Variants in ADAMTSL4 observed in about 807,000 individuals in gnomAD.
ADAMTSL4 encodes the protein ADAMTS-like protein 4.
A neutral mutation model predicts 122.8 loss-of-function variants in ADAMTSL4; 97 were observed. The ratio of observed to expected loss-of-function variants is 0.79; its 90% CI spans 0.67 to 0.93. The LOEUF is 0.93. Ranked by LOEUF, ADAMTSL4 falls within the 40% of genes least tolerant of loss-of-function variation. ADAMTSL4 has a pLI of 0.00. For missense variants in ADAMTSL4, 1,408 were observed against 1,453.5 expected, an observed-to-expected ratio of 0.97 and a Z score of 0.51; for synonymous variants, 592 against 568.0, an observed-to-expected ratio of 1.04 and a Z score of -0.60.
Position 150,557,532 on chromosome 1 carries a change from T to G in ADAMTSL4, c.2086T>G (p.Ser696Ala). 6.2e-7 allele frequency: 1 copy of G among 1,612,138 alleles called. No homozygotes were observed. The highest frequency in any genetic ancestry group is 1.1e-5 in the South Asian group (1 of 90,936). Residue 696 changes from serine (S) to alanine (A), a missense_variant, in exon 13 of 19, where the codon TCG becomes GCG. By Grantham distance (99) the Ser-to-Ala change is moderately conservative. Transcript: ENST00000271643. ...CATTTTCCTCTGCATCTCCCGTGAG[T>G]CGGGAGAGGAACTGGATGAACGCAG... ...RPIFLCISRE[S>A]GEELDERSCA...
At chr1:150,558,709 A>T (rs1337885332) in intron 15 of ADAMTSL4, 60 bp downstream of exon 15, 1 of 1,612,902 alleles carries the variant, frequency 6.2e-7, no homozygotes, top group Non-Finnish European at 8.5e-7. Flanking sequence ...AGGACACCTC[A>T]GCCTTTCCAG....
At chr1:150,550,227 T>A in intron 2 of ADAMTSL4, 1 of 456,682 alleles carries the variant, frequency 2.2e-6, no homozygotes, top group Non-Finnish European at 4.4e-6. Flanking sequence ...TGACCTCTCC[T>A]TTCCTCGTCC....
rs753550085 is a variant in ADAMTSL4 at position 150,553,817 on chromosome 1, C to A, written c.826C>A (p.Arg276Ser). The change falls in exon 6 of 19, where the codon CGT (arginine) becomes AGT (serine). Residue 276 changes from arginine to serine, a missense_variant. Coordinates refer to ENST00000271643, the MANE Select transcript of ADAMTSL4 (RefSeq NM_019032.6). ...CTCCTTAGGAGAAGGTGGCTTCTTC[C>A]GTGCATCCCCTCAGCCACGAAGGCC... ...THSLGEGGFF[R>S]ASPQPRRPSS... The A allele has an allele frequency of 6.2e-7, 1 of 1,613,804 alleles. No individual in the cohort carries two copies. Among genetic ancestry groups the A allele is most frequent in the South Asian group, 1.1e-5 (1 of 91,088 alleles).
rs1432352883 is a variant in ADAMTSL4, at chr1:150,557,331, G to A, written c.2043G>A (p.Gly681=). The A allele has an allele frequency of 3.7e-6, 6 of 1,610,182 alleles. No homozygotes were observed. The highest frequency in any genetic ancestry group is 5.1e-6 in the Non-Finnish European group (6 of 1,178,656). ...VGHSACSASC[G]KGVWRPIFLC... ...ACTCTGCATGCTCAGCGTCCTGCGG[G>A]AAAGGTGAGACATCACAGTGCGTTC... Residue 681 remains glycine (G), a synonymous_variant, in exon 12 of 19, where the codon GGG becomes GGA. Transcript: ENST00000271643.
chr1:150,559,533 G>A lies in ADAMTSL4; in HGVS notation c.2943+67G>A, dbSNP rs976841179. ...CCCCTAGGGGAGGGGAGCTCCTCTC[G>A]CTGTACCCCCTCCAGGTCTCTCTGT... On this transcript the variant is annotated intron_variant, in intron 17 of 18. Transcript: ENST00000271643. This position sits in a 1 kb window ranked among gnomAD's most constrained non-coding sequence, Gnocchi z 4.1. The A allele has an allele frequency of 1.0e-4, 167 of 1,599,384 alleles. No individual in the cohort carries two copies. Among genetic ancestry groups the A allele is most frequent in the Admixed American group, 3.7e-4 (22 of 59,636 alleles).
At chr1:150,551,210 C>T (rs1414421449) in intron 2 of ADAMTSL4, 23 of 352,382 alleles carry the variant, frequency 6.5e-5, no homozygotes, top group Non-Finnish European at 1.2e-4. Flanking sequence ...CCGGCTGCAC[C>T]TCTCCTTCCC....
At chr1:150,558,912 G>A (rs370032899) in intron 15 of ADAMTSL4, 50 bp from the exon 16 acceptor site, 19 of 1,559,630 alleles carry the variant, frequency 1.2e-5, no homozygotes, top group South Asian at 2.3e-5. Flanking sequence ...ACTGTCCCTT[G>A]TGCCAGTCAC....
Position 150,554,461 on chromosome 1 carries a change from A to G in ADAMTSL4, c.1228A>G (p.Thr410Ala), listed in dbSNP as rs781299982. 2.5e-6 allele frequency: 4 copies of G among 1,614,036 alleles called. No individual in the cohort carries two copies. Among genetic ancestry groups the G allele is most frequent in the Non-Finnish European group, 3.4e-6 (4 of 1,179,990 alleles). Residue 410 changes from threonine to alanine, a missense_variant, in exon 7 of 19, where the codon ACT (threonine) becomes GCT (alanine). Physicochemically the swap from Thr to Ala is moderately conservative, Grantham distance 58. Coordinates refer to ENST00000271643, the MANE Select transcript of ADAMTSL4 (RefSeq NM_019032.6). This position sits in a 1 kb window ranked among gnomAD's most constrained non-coding sequence, Gnocchi z 4.0. ...CCAGCTGTATCAGTGGGAGCCCTTCACTGAAGGTGAGGTTTCTTGCTCACC... is the reference window on the plus strand; with the variant it reads ...CCAGCTGTATCAGTGGGAGCCCTTCGCTGAAGGTGAGGTTTCTTGCTCACC... ...MGQLYQWEPF[T>A]EVQGSQRCEL...
In ADAMTSL4 at chr1:150,552,952, G is replaced by A; in HGVS notation, c.133G>A (p.Gly45Ser). Reference sequence around the variant, plus strand: ...TACAGAGGAGGGCCAGGGCCCCGAAGGTGTCTGGGGACCTTGGGTCCAGTG... The same window carrying A: ...TACAGAGGAGGGCCAGGGCCCCGAAAGTGTCTGGGGACCTTGGGTCCAGTG... ...TPTEEGQGPEGVWGPWVQWAS... is the reference protein window; with the variant it reads ...TPTEEGQGPESVWGPWVQWAS... The change falls in exon 5 of 19, where the codon GGT becomes AGT. Residue 45 changes from glycine to serine, a missense_variant. Gly to Ser is a moderately conservative substitution (Grantham distance 56, BLOSUM62 0). Coordinates refer to ENST00000271643, the MANE Select transcript of ADAMTSL4 (RefSeq NM_019032.6). The surrounding 1 kb of genome is among the most constrained non-coding windows in gnomAD (Gnocchi z 4.0). 6.2e-7 allele frequency: 1 copy of A among 1,613,130 alleles called. No homozygotes were observed. The highest frequency in any genetic ancestry group is 8.5e-7 in the Non-Finnish European group (1 of 1,179,986).
At position 150,557,502 on chromosome 1, in the gene ADAMTSL4, C is replaced by T. The variant is rs774388538; in HGVS notation, c.2056C>T (p.Arg686Cys). Residue 686 changes from arginine (R) to cysteine (C), a missense_variant, in exon 13 of 19, where the codon CGC becomes TGC. Arg to Cys is a radical substitution (Grantham distance 180, BLOSUM62 -3). Transcript: ENST00000271643. The part of the protein sequence containing the change: ...CSASCGKGVW[R>C]PIFLCISRES... ...CCTTCTCACCCACTCAGGTGTCTGGCGCCCCATTTTCCTCTGCATCTCCCG... is the reference window on the plus strand; with the variant it reads ...CCTTCTCACCCACTCAGGTGTCTGGTGCCCCATTTTCCTCTGCATCTCCCG... 42 of 1,612,992 alleles carry T rather than the reference C, an allele frequency of 2.6e-5. No individual in the cohort carries two copies. In the East Asian group the frequency reaches 2.7e-4, roughly 10 times the overall value.
chr1:150,556,597 C>T lies in ADAMTSL4; in HGVS notation c.1577-24C>T, dbSNP rs199694520. On this transcript the variant is annotated intron_variant, in intron 9 of 18. Coordinates refer to ENST00000271643, the MANE Select transcript of ADAMTSL4 (RefSeq NM_019032.6). This position sits in a 1 kb window ranked among gnomAD's most constrained non-coding sequence, Gnocchi z 4.1. ...AAGGTATTATCACCCTGGAATTTCC[C>T]GATCTCTCACCTCTGACCCGCAGCA... 34 of 1,613,728 alleles carry T rather than the reference C, an allele frequency of 2.1e-5. No homozygotes were observed. Among genetic ancestry groups the T allele is most frequent in the African/African-American group, 9.3e-5 (7 of 74,914 alleles).
Position 150,556,069 on chromosome 1 carries a change from C to A in ADAMTSL4, c.1372-93C>A. 1 of 1,381,866 alleles carries A rather than the reference C, an allele frequency of 7.2e-7. No homozygotes were observed. The highest frequency in any genetic ancestry group is 1.0e-6 in the Non-Finnish European group (1 of 984,102). 85.6% of individuals were successfully genotyped at this position (1,381,866 alleles called of 1,614,324 possible). A position where few individuals can be genotyped will look rare whatever the true frequency, so the allele number is the denominator to read the frequency against. ...GTGCTCTCACTTGTGGCACAAAAAG[C>A]AGGGTAGTGAGCTGAGGCTCCCGAG... On this transcript the variant is annotated intron_variant, in intron 8 of 18. Transcript: ENST00000271643. This position sits in a 1 kb window ranked among gnomAD's most constrained non-coding sequence, Gnocchi z 4.1.
At chr1:150,555,855 A>G (rs2101617910) in intron 8 of ADAMTSL4, 1 of 604,028 alleles carries the variant, frequency 1.7e-6, no homozygotes. Context: ...ATGTAGACAC[A>G]CATGCATGAA....
Position 150,552,142 on chromosome 1 carries a change from G to C in ADAMTSL4, c.-84-63G>C. On this transcript the variant is annotated intron_variant, in intron 2 of 18. Coordinates refer to ENST00000271643, the MANE Select transcript of ADAMTSL4 (RefSeq NM_019032.6). The surrounding 1 kb of genome is among the most constrained non-coding windows in gnomAD (Gnocchi z 4.0). ...CCCCCTCCTCCATATTCTCTGAGCTGTCCTCCCAGCCCCAAGCTCTCTGGA... is the reference window on the plus strand; with the variant it reads ...CCCCCTCCTCCATATTCTCTGAGCTCTCCTCCCAGCCCCAAGCTCTCTGGA... The C allele has an allele frequency of 1.2e-6, 1 of 802,946 alleles. No individual in the cohort carries two copies. The highest frequency in any genetic ancestry group is 2.0e-6 in the Non-Finnish European group (1 of 501,644). 49.7% of individuals were successfully genotyped at this position (802,946 alleles called of 1,614,324 possible). A position where few individuals can be genotyped will look rare whatever the true frequency, so the allele number is the denominator to read the frequency against.
At position 150,552,729 on chromosome 1, in the gene ADAMTSL4, C is replaced by A; in HGVS notation, c.78+129C>A. 1.5e-6 allele frequency: 2 copies of A among 1,346,746 alleles called. No homozygotes were observed. The highest frequency in any genetic ancestry group is 2.1e-6 in the Non-Finnish European group (2 of 962,754). 83.4% of individuals were successfully genotyped at this position (1,346,746 alleles called of 1,614,324 possible). A position where few individuals can be genotyped will look rare whatever the true frequency, so the allele number is the denominator to read the frequency against. On this transcript the variant is annotated intron_variant, in intron 4 of 18. Transcript: ENST00000271643. The surrounding 1 kb of genome is among the most constrained non-coding windows in gnomAD (Gnocchi z 4.0). Reference sequence around the variant, plus strand: ...CCACCCACCTCCCCTGCCAACTCCCCAGTTCCTTGCCTCATAACACCAAGA... The same window carrying A: ...CCACCCACCTCCCCTGCCAACTCCCAAGTTCCTTGCCTCATAACACCAAGA...
rs900509748 is a variant in ADAMTSL4 at position 150,556,334 on chromosome 1, T to C, written c.1544T>C (p.Ile515Thr). 1.9e-6 allele frequency: 3 copies of C among 1,613,940 alleles called. No homozygotes were observed. Among genetic ancestry groups the C allele is most frequent in the African/African-American group, 1.3e-5 (1 of 74,914 alleles). ...WIPAGALRLQ[I>T]AQLRPSSNYL... ...CCAGCGGGAGCCTTGCGGCTCCAGA[T>C]TGCCCAGCTCCGGCCTAGCTCCAAC... is the stretch of plus-strand genomic sequence containing the variant. Residue 515 changes from isoleucine (I) to threonine (T), a missense_variant, in exon 9 of 19, where the codon ATT becomes ACT. Transcript: ENST00000271643. This position sits in a 1 kb window ranked among gnomAD's most constrained non-coding sequence, Gnocchi z 4.1.
Position 150,558,564 on chromosome 1 carries a change from C to T in ADAMTSL4, c.2474C>T (p.Ser825Leu). 1.2e-6 allele frequency: 2 copies of T among 1,613,878 alleles called. No individual in the cohort carries two copies. The highest frequency in any genetic ancestry group is 1.7e-6 in the Non-Finnish European group (2 of 1,179,934). ...GDEVSEQECA[S>L]GPPQPPSREA... ...GAAGTGAGCGAGCAGGAGTGTGCGT[C>T]AGGCCCCCCGCAGCCCCCCAGCAGA... The change falls in exon 15 of 19, where the codon TCA becomes TTA. Residue 825 changes from serine (S) to leucine (L), a missense_variant. Transcript: ENST00000271643.
In ADAMTSL4 at chr1:150,552,297, C is replaced by G. The variant is rs1671492268; in HGVS notation, c.9C>G (p.Asn3Lys). Residue 3 changes from asparagine (N) to lysine (K), a missense_variant, in exon 3 of 19, where the codon AAC becomes AAG. Asn to Lys is a moderately conservative substitution (Grantham distance 94). Transcript: ENST00000271643. This position sits in a 1 kb window ranked among gnomAD's most constrained non-coding sequence, Gnocchi z 4.0. Reference sequence around the variant, plus strand: ...GCAGTAGAGGGGGAGCGATGGAGAACTGGACTGGCAGGTGAGAGAAGGGGC... The same window carrying G: ...GCAGTAGAGGGGGAGCGATGGAGAAGTGGACTGGCAGGTGAGAGAAGGGGC... MENWTGRPWLYLL... is the reference protein window; with the variant it reads MEKWTGRPWLYLL... 5.1e-6 allele frequency: 8 copies of G among 1,555,970 alleles called. No homozygotes were observed. Among genetic ancestry groups the G allele is most frequent in the Non-Finnish European group, 7.0e-6 (8 of 1,148,968 alleles).
In ADAMTSL4 at chr1:150,560,297, G is replaced by A; in HGVS notation, c.*101G>A. 6.5e-7 allele frequency: 1 copy of A among 1,530,788 alleles called. No individual in the cohort carries two copies. The allele number at this position is 1,530,788 out of a possible 1,614,324, so 94.8% of individuals were successfully genotyped here. ...GGCTCTCCAGCCTGTCCCAGTCTCA[G>A]CAGGGATGTCCTCCAGGTGACAGAG... is the stretch of plus-strand genomic sequence containing the variant. On this transcript the variant is annotated 3_prime_UTR_variant, in exon 19 of 19. Coordinates refer to ENST00000271643, the MANE Select transcript of ADAMTSL4 (RefSeq NM_019032.6).
Sources: gnomAD v4.1 joint callset for allele counts on GRCh38, gnomAD v4.1.1 for gene constraint, Gnocchi (gnomAD v3.1) non-coding constraint, MANE v1.5 for transcripts, NCBI Gene and HGNC (gene_info 2026-07-23, HGNC 2026-07-21) for gene names.